The following MMP16 variants were observed in gnomAD, a reference collection of about 807,000 sequenced individuals.
MMP16 encodes matrix metalloproteinase-16.
A neutral mutation model predicts 67.8 loss-of-function variants in MMP16; 12 were observed. The ratio of observed to expected loss-of-function variants is 0.18; its 90% CI spans 0.11 to 0.29. The LOEUF (loss-of-function observed/expected upper bound fraction) is 0.29, where lower values mean the gene tolerates loss of function less well. Ranked by LOEUF, MMP16 falls within the 10% of genes least tolerant of loss-of-function variation. MMP16 has a pLI of 1.00. For missense variants in MMP16, 475 were observed against 765.7 expected (o/e 0.62, Z 4.48); for synonymous variants, 249 against 255.9 (o/e 0.97, Z 0.26).
intron 4 of MMP16, among the ~76,000 whole-genome samples, chr8:88,150,685 C>A (rs1184067775): frequency 8.0e-6 from 1 of 124,380 alleles, no homozygotes; most frequent in African/African-American, 3.2e-5. Flanking sequence ...CACCACCAGG[C>A]CTGCCCTAAA....
At chr8:88,122,405 A>T (rs1018540582) in intron 4 of MMP16, among the ~76,000 whole-genome samples, 2 of 152,026 alleles carry the variant, frequency 1.3e-5, no homozygotes, top group Non-Finnish European at 2.9e-5. Context: ...ATCTGTGTAT[A>T]CTTGGCCTTT....
intron 1 of MMP16, among the ~76,000 whole-genome samples, chr8:88,225,276 C>T (rs1038296093): frequency 6.6e-6 from 1 of 151,952 alleles, no homozygotes; most frequent in Non-Finnish European, 1.5e-5. Context: ...AAACTTAACA[C>T]TTCACATGAA....
intron 1 of MMP16, among the ~76,000 whole-genome samples, chr8:88,239,778 T>C (rs1810005883): frequency 6.6e-6 from 1 of 152,192 alleles, no homozygotes; most frequent in Non-Finnish European, 1.5e-5. Flanking sequence ...CCACGTGTTG[T>C]TTTTGCCTTC....
chr8:88,083,067 T>C (rs898778376), intron 6 of MMP16, among the ~76,000 whole-genome samples: 2 of 151,978 alleles, frequency 1.3e-5, no homozygotes, highest in African/African-American at 4.8e-5. Flanking sequence ...AATTTAAAAC[T>C]ATTATAAGAC....
chr8:88,244,328 C>G (rs947183764), intron 1 of MMP16, among the ~76,000 whole-genome samples: 1 of 152,110 alleles, frequency 6.6e-6, no homozygotes, highest in Non-Finnish European at 1.5e-5. Context: ...GTTGCATTAC[C>G]TGCAGAATCT....
At chr8:88,076,097 C>T (rs942820695) in intron 6 of MMP16, among the ~76,000 whole-genome samples, 1 of 152,024 alleles carries the variant, frequency 6.6e-6, no homozygotes, top group Non-Finnish European at 1.5e-5. Flanking sequence ...TTGTAGTTAT[C>T]ATGCACTGTC....
At chr8:88,321,841 A>G (rs1811464384) in intron 1 of MMP16, among the ~76,000 whole-genome samples, 1 of 152,168 alleles carries the variant, frequency 6.6e-6, no homozygotes, top group Admixed American at 6.5e-5. Context: ...TACATGTCCA[A>G]GTTCAAAGCC....
intron 4 of MMP16, among the ~76,000 whole-genome samples, chr8:88,153,851 C>T (rs1437002352): frequency 4.6e-5 from 7 of 151,844 alleles, no homozygotes; most frequent in Non-Finnish European, 1.0e-4. Flanking sequence ...GCAACAAAAG[C>T]CAAAAGTGAC....
chr8:88,210,511 C>G (rs1439220782), intron 1 of MMP16, among the ~76,000 whole-genome samples: 1 of 152,090 alleles, frequency 6.6e-6, no homozygotes, highest in African/African-American at 2.4e-5. Context: ...ACTGGGTTTA[C>G]TACCCGGTTA....
intron 1 of MMP16, among the ~76,000 whole-genome samples, chr8:88,247,617 A>G (rs1810134753): frequency 6.6e-6 from 1 of 152,116 alleles, no homozygotes; most frequent in Non-Finnish European, 1.5e-5. Flanking sequence ...CCAGGAAAAT[A>G]TGCACAAAAG....
In MMP16 at chr8:88,039,719, T is replaced by C. The variant is rs942338932; in HGVS notation, c.*1742A>G. 1.3e-5 allele frequency: 2 copies of C among 152,634 alleles called. No individual in the cohort carries two copies. The highest frequency in any genetic ancestry group is 2.4e-5 in the African/African-American group (1 of 41,456). The allele number at this position is 152,634 out of a possible 1,614,324, so 9.5% of individuals were successfully genotyped here. ...GGGGTGCATTCATTCTGACCATCTC[T>C]AATAAGTTCACAGCCCAGTGGCTGT... On this transcript the variant is annotated 3_prime_UTR_variant, in exon 10 of 10. Transcript: ENST00000286614. This position sits in a 1 kb window ranked among gnomAD's most constrained non-coding sequence, Gnocchi z 4.5.
chr8:88,300,115 C>T (rs1190538055), intron 1 of MMP16, among the ~76,000 whole-genome samples: 2 of 152,040 alleles, frequency 1.3e-5, no homozygotes, highest in East Asian at 3.9e-4. Context: ...AAAAGAGTGG[C>T]CAATATCCCA....
intron 4 of MMP16, among the ~76,000 whole-genome samples, chr8:88,151,046 A>G (rs1485703353): frequency 7.4e-6 from 1 of 134,844 alleles, no homozygotes; most frequent in African/African-American, 2.8e-5. Flanking sequence ...AAACAAAAAA[A>G]GGCAGGGGTT....
At chr8:88,300,748 T>A (rs1377688230) in intron 1 of MMP16, among the ~76,000 whole-genome samples, 1 of 152,132 alleles carries the variant, frequency 6.6e-6, no homozygotes, top group Non-Finnish European at 1.5e-5. Context: ...TACTGCTGAA[T>A]GGAAGTCCCC....
intron 6 of MMP16, among the ~76,000 whole-genome samples, chr8:88,081,754 G>GT (rs542407854): frequency 4.6e-5 from 7 of 151,846 alleles, no homozygotes; most frequent in Middle Eastern, 3.4e-3. Flanking sequence ...AGTAAAAACA[G>GT]TTTTTTTTAT....
At chr8:88,186,198 A>C (rs1473754041) in intron 3 of MMP16, 1 of 281,018 alleles carries the variant, frequency 3.6e-6, no homozygotes, top group Non-Finnish European at 6.5e-6. Context: ...AAAGCATGTA[A>C]TATGTTAGAA....
Position 88,212,560 on chromosome 8 carries a change from A to G in MMP16, c.133-15254T>C, listed in dbSNP as rs535240619. Among the ~76,000 whole-genome samples, 20 of 152,322 alleles carry G rather than the reference A, an allele frequency of 1.3e-4. No homozygotes were observed. In the East Asian group the frequency reaches 3.7e-3, roughly 28 times the overall value. On this transcript the variant is annotated intron_variant, in intron 1 of 9. Transcript: ENST00000286614. ...GTTAAATTTATTAACAAAAATATCT[A>G]TGATAGCTATACCCACAAAGAAAGC...
At chr8:88,212,265 G>A (rs1809524372) in intron 1 of MMP16, among the ~76,000 whole-genome samples, 1 of 152,228 alleles carries the variant, frequency 6.6e-6, no homozygotes, top group East Asian at 1.9e-4. Context: ...AGATGCCTAC[G>A]AATTATGATC....
chr8:88,267,509 C>G (rs975108246), intron 1 of MMP16, among the ~76,000 whole-genome samples: 5 of 152,192 alleles, frequency 3.3e-5, no homozygotes, highest in African/African-American at 9.7e-5. Flanking sequence ...TGCTAAGAAC[C>G]ACATCTGCCT....
Sources: gnomAD v4.1 joint callset for allele counts (sites outside exome capture counted in the v4.1 genomes callset) on GRCh38, gnomAD v4.1.1 for gene constraint, Gnocchi (gnomAD v3.1) non-coding constraint, MANE v1.5 for transcripts, NCBI Gene and HGNC (gene_info 2026-07-23, HGNC 2026-07-21) for gene names.